LRP1B: variants seen among roughly 807,000 people sequenced by gnomAD.
LRP1B encodes LDL receptor related protein 1B.
Under a neutral mutation model 556.6 loss-of-function variants are expected in LRP1B, and 217 were observed. The observed-to-expected ratio is 0.39, with a 90% CI of 0.35 to 0.44. The LOEUF is 0.44. LRP1B is among the 20% of genes least tolerant of loss of function. The probability of loss-of-function intolerance (pLI) is 1.00; values close to 1 mark genes in which losing one functional copy is unlikely to be tolerated. For missense variants in LRP1B, 5,053 were observed against 5,620.8 expected, an observed-to-expected ratio of 0.90 and a Z score of 3.23; for synonymous variants, 2,047 against 1,865.8, an observed-to-expected ratio of 1.10 and a Z score of -2.50.
At chr2:141,994,586 T>C (rs923251554) in intron 1 of LRP1B, among the ~76,000 whole-genome samples, 1 of 152,076 alleles carries the variant, frequency 6.6e-6, no homozygotes, top group African/African-American at 2.4e-5. Context: ...TATCTCTCTA[T>C]TGGAAAGGAA....
intron 83 of LRP1B, among the ~76,000 whole-genome samples, chr2:140,303,832 C>A (rs1171187742): frequency 5.3e-5 from 8 of 151,892 alleles, no homozygotes; most frequent in Non-Finnish European, 8.8e-5. Flanking sequence ...ATGACAGGCC[C>A]CAGTGTATGA....
At chr2:140,872,082 AT>A (rs35149993) in intron 25 of LRP1B, among the ~76,000 whole-genome samples, 26,648 of 109,328 alleles carry the variant, frequency 0.24, 3,063 homozygotes, top group East Asian at 0.39. Flanking sequence ...AGGACCTTGT[AT>A]TTTTTTTTTT....
intron 2 of LRP1B, among the ~76,000 whole-genome samples, chr2:141,626,290 C>G (rs1051581891): frequency 6.6e-6 from 1 of 152,162 alleles, no homozygotes; most frequent in Admixed American, 6.5e-5. Flanking sequence ...CCAGACCTAA[C>G]AGCCATCACA....
chr2:140,235,058 T>A (rs1573661518), intron 89 of LRP1B, 174 bp from the exon 90 acceptor site: 1 of 403,366 alleles, frequency 2.5e-6, no homozygotes, highest in East Asian at 3.6e-5. Flanking sequence ...TATCCAATAT[T>A]AATATTATTA....
chr2:140,321,908 G>C (rs1158849645), intron 82 of LRP1B, 55 bp downstream of exon 82: 1 of 1,542,960 alleles, frequency 6.5e-7, no homozygotes, highest in Non-Finnish European at 8.8e-7. Flanking sequence ...CACGAGGTGT[G>C]AAATTTTATG....
At chr2:141,639,389 T>C (rs1377016696) in intron 2 of LRP1B, among the ~76,000 whole-genome samples, 20 of 84,252 alleles carry the variant, frequency 2.4e-4, no homozygotes, top group South Asian at 3.6e-4. Flanking sequence ...CATATATATA[T>C]ACACATATAT....
intron 43 of LRP1B, among the ~76,000 whole-genome samples, chr2:140,583,171 C>CTTTT (rs1219194754): frequency 2.5e-4 from 12 of 48,046 alleles, no homozygotes; most frequent in East Asian, 1.0e-3. Flanking sequence ...CCTTTTTTTT[C>CTTTT]TTTTTTTTTT....
intron 46 of LRP1B, among the ~76,000 whole-genome samples, chr2:140,534,351 T>C (rs1690855164): frequency 6.6e-6 from 1 of 152,176 alleles, no homozygotes. Flanking sequence ...GTGTTTTAAC[T>C]TTAGTGATTC....
chr2:140,978,905 G>A (rs1696683714), intron 18 of LRP1B, among the ~76,000 whole-genome samples: 1 of 152,162 alleles, frequency 6.6e-6, no homozygotes, highest in South Asian at 2.1e-4. Flanking sequence ...AAACTGTCTA[G>A]CTGCTAAATC....
At chr2:141,636,354 T>C (rs1689108717) in intron 2 of LRP1B, among the ~76,000 whole-genome samples, 4 of 152,028 alleles carry the variant, frequency 2.6e-5, no homozygotes, top group Admixed American at 2.6e-4. Flanking sequence ...ATAAATTAGA[T>C]GTCCAAAAAC....
rs368192247 is a variant in LRP1B at position 140,700,647 on chromosome 2, T to C, written c.6428-26A>G. 7 of 1,600,676 alleles carry C rather than the reference T, an allele frequency of 4.4e-6. No homozygotes were observed. The South Asian group carries it at 5.7e-5, about 13-fold the overall frequency. ...CTAATGAAGAAAAATGATACACACA[T>C]GCACATGTTTATGTTTTTCTTTTGT... On this transcript the variant is annotated intron_variant, in intron 40 of 90. Transcript: ENST00000389484.
At chr2:141,793,633 C>T (rs1695698948) in intron 2 of LRP1B, among the ~76,000 whole-genome samples, 1 of 151,870 alleles carries the variant, frequency 6.6e-6, no homozygotes, top group Non-Finnish European at 1.5e-5. Context: ...CATATGAAAA[C>T]TCTTTCCAAT....
chr2:141,772,057 C>T (rs933689701), intron 2 of LRP1B, among the ~76,000 whole-genome samples: 1 of 152,016 alleles, frequency 6.6e-6, no homozygotes, highest in Non-Finnish European at 1.5e-5. Flanking sequence ...ACCTCGTGAT[C>T]CACCTGACTG....
chr2:142,075,771 G>C (rs951361789), intron 1 of LRP1B, among the ~76,000 whole-genome samples: 4 of 152,028 alleles, frequency 2.6e-5, no homozygotes, highest in Admixed American at 2.0e-4. Flanking sequence ...CGTTAATCAA[G>C]AAGCTTACTA....
intron 5 of LRP1B, among the ~76,000 whole-genome samples, chr2:141,238,634 T>C (rs1213539376): frequency 6.6e-6 from 1 of 152,120 alleles, no homozygotes; most frequent in East Asian, 1.9e-4. Context: ...CAAATATGAA[T>C]ATTGTTTGGC....
chr2:140,385,991 G>C lies in LRP1B; in HGVS notation c.10433C>G (p.Pro3478Arg), dbSNP rs375514130. The C allele has an allele frequency of 1.2e-6, 2 of 1,610,810 alleles. No individual in the cohort carries two copies. The highest frequency in any genetic ancestry group is 1.7e-6 in the Non-Finnish European group (2 of 1,177,350). The change falls in exon 67 of 91, where the codon CCT becomes CGT. Residue 3478 changes from proline to arginine, a missense_variant. Pro to Arg is a moderately radical substitution (Grantham distance 103, BLOSUM62 -2). This residue lies in a region of LRP1B where 262 missense variants were observed against 395.1 expected (regional missense o/e 0.66). Transcript: ENST00000389484. ...GTTGTTTTTACACTGGAATTCATGA[G>C]GTCCACAAGTCTTTTTATCTGTAAT... ...EANCDKKTCG[P>R]HEFQCKNNNC...
rs190346679 is a variant in LRP1B, at chr2:140,768,203, G to T, written c.5758+1010C>A. Among the ~76,000 whole-genome samples, 14 of 151,962 alleles carry T rather than the reference G, an allele frequency of 9.2e-5. No individual in the cohort carries two copies. The East Asian group carries it at 2.3e-3, about 25-fold the overall frequency. Reference sequence around the variant, plus strand: ...GAAAACTCATTTTTGAACAATTTGTGAAGATCCCCAGTAATTCATTAACTT... The same window carrying T: ...GAAAACTCATTTTTGAACAATTTGTTAAGATCCCCAGTAATTCATTAACTT... On this transcript the variant is annotated intron_variant, in intron 35 of 90. Transcript: ENST00000389484.
At chr2:141,831,412 A>G (rs1211307351) in intron 1 of LRP1B, among the ~76,000 whole-genome samples, 1 of 151,586 alleles carries the variant, frequency 6.6e-6, no homozygotes, top group Non-Finnish European at 1.5e-5. Context: ...CAGTTCTGGG[A>G]GATCTGACTT....
intron 1 of LRP1B, among the ~76,000 whole-genome samples, chr2:141,828,480 T>C (rs1246766135): frequency 6.6e-6 from 1 of 152,146 alleles, no homozygotes; most frequent in Non-Finnish European, 1.5e-5. Flanking sequence ...AGGATAGATG[T>C]TACGAGAATA....
Sources: gnomAD v4.1 joint callset for allele counts (sites outside exome capture counted in the v4.1 genomes callset) on GRCh38, gnomAD v4.1.1 for gene constraint, gnomAD v4.1.1 regional missense constraint, MANE v1.5 for transcripts, NCBI Gene and HGNC (gene_info 2026-07-23, HGNC 2026-07-21) for gene names.